NDUFS4: variants seen among roughly 807,000 people sequenced by gnomAD.
NDUFS4 encodes the protein NADH dehydrogenase [ubiquinone] iron-sulfur protein 4, mitochondrial.
A neutral mutation model predicts 24.3 loss-of-function variants in NDUFS4; 28 were observed. The ratio of observed to expected loss-of-function variants is 1.15; its 90% CI spans 0.85 to 1.58. The LOEUF is 1.58. NDUFS4 is among the 40% of genes most tolerant of loss of function. The pLI is 0.00. For missense variants in NDUFS4, 223 were observed against 207.9 expected (o/e 1.07, Z -0.45); for synonymous variants, 93 against 69.7 (o/e 1.34, Z -1.67).
chr5:53,561,472 A>AT (rs1748841541), intron 1 of NDUFS4, among the ~76,000 whole-genome samples: 1 of 150,986 alleles, frequency 6.6e-6, no homozygotes, highest in Middle Eastern at 3.2e-3. Context: ...TTGTCAGTTG[A>AT]TTGAGTTGTT....
At chr5:53,595,802 G>A (rs1750116569) in intron 1 of NDUFS4, among the ~76,000 whole-genome samples, 2 of 152,132 alleles carry the variant, frequency 1.3e-5, no homozygotes, top group South Asian at 4.1e-4. Flanking sequence ...TTTGGGGCTT[G>A]AGCTGTGTCC....
chr5:53,597,868 A>G (rs1035093467), intron 1 of NDUFS4, among the ~76,000 whole-genome samples: 6 of 152,216 alleles, frequency 3.9e-5, no homozygotes, highest in Non-Finnish European at 5.9e-5. Flanking sequence ...ATAAAGAACT[A>G]TATCTACAGT....
chr5:53,658,440 C>A, intron 3 of NDUFS4, 111 bp from the exon 4 acceptor site: 2 of 706,170 alleles, frequency 2.8e-6, no homozygotes, highest in East Asian at 2.8e-5. Context: ...TAAAATATTC[C>A]ATCAATAATG....
In NDUFS4 at chr5:53,658,652, C is replaced by T. The variant is rs752809095; in HGVS notation, c.424+28C>T. The T allele has an allele frequency of 1.9e-6, 3 of 1,566,496 alleles. No homozygotes were observed. The Admixed American group carries it at 5.0e-5, about 26-fold the overall frequency. ...ATGTTTGGTCTGTTTTTGACAAAGTCAAGATAATGATTTTATGTTCTTAAC... is the reference window on the plus strand; with the variant it reads ...ATGTTTGGTCTGTTTTTGACAAAGTTAAGATAATGATTTTATGTTCTTAAC... On this transcript the variant is annotated intron_variant, in intron 4 of 4. Coordinates refer to ENST00000296684, the MANE Select transcript of NDUFS4 (RefSeq NM_002495.4).
intron 4 of NDUFS4, among the ~76,000 whole-genome samples, chr5:53,675,078 TTTC>T (rs1292942778): frequency 6.6e-6 from 1 of 152,098 alleles, no homozygotes. Context: ...GAAGTTCCAT[TTTC>T]TTCTCTGAAA....
chr5:53,572,963 T>G (rs1197826050), intron 1 of NDUFS4, among the ~76,000 whole-genome samples: 1 of 94,312 alleles, frequency 1.1e-5, no homozygotes, highest in Admixed American at 1.1e-4. Flanking sequence ...TTTTGTTTTT[T>G]TTTTTTGTTT....
chr5:53,603,325 T>TCTTTC, intron 1 of NDUFS4, 127 bp from the exon 2 acceptor site: 1 of 727,436 alleles, frequency 1.4e-6, no homozygotes. Context: ...CTCTTCTCTT[T>TCTTTC]CTTTCCTTTC....
At chr5:53,565,328 G>A (rs1442729976) in intron 1 of NDUFS4, among the ~76,000 whole-genome samples, 1 of 152,188 alleles carries the variant, frequency 6.6e-6, no homozygotes, top group Non-Finnish European at 1.5e-5. Context: ...AACCTATGCT[G>A]ACTCTATTTT....
intron 2 of NDUFS4, among the ~76,000 whole-genome samples, chr5:53,615,598 C>T (rs894511961): frequency 6.6e-6 from 1 of 151,990 alleles, no homozygotes; most frequent in Admixed American, 6.6e-5. Flanking sequence ...TTACTGTATG[C>T]AGTATACTAT....
intron 4 of NDUFS4, among the ~76,000 whole-genome samples, chr5:53,668,228 G>T (rs981809429): frequency 3.3e-5 from 5 of 152,024 alleles, no homozygotes; most frequent in African/African-American, 1.2e-4. Context: ...AATACAATTT[G>T]TTATCAATTG....
chr5:53,631,347 A>C (rs539558473), intron 2 of NDUFS4, among the ~76,000 whole-genome samples: 8 of 152,272 alleles, frequency 5.3e-5, no homozygotes, highest in Admixed American at 3.3e-4. Flanking sequence ...TCTCCTGGTC[A>C]GGCTACACGG....
chr5:53,643,027 C>T (rs1751747930), intron 2 of NDUFS4, among the ~76,000 whole-genome samples: 1 of 152,016 alleles, frequency 6.6e-6, no homozygotes. Context: ...ATAATGGAAG[C>T]ATAGGTTTCA....
At chr5:53,644,624 T>C (rs1751804372) in intron 2 of NDUFS4, among the ~76,000 whole-genome samples, 1 of 152,060 alleles carries the variant, frequency 6.6e-6, no homozygotes, top group South Asian at 2.1e-4. Flanking sequence ...ATATTAGAAA[T>C]TACCAATTAA....
rs1323599620 is a variant in NDUFS4, at chr5:53,566,299, T to C, written c.98+5539T>C. On this transcript the variant is annotated intron_variant, in intron 1 of 4. Transcript: ENST00000296684. ...ATTTAGTCAGAATACATATTGTCTG[T>C]ACTGAATACAAACAATTTCAAATGG... 4.1e-4 allele frequency among the ~76,000 whole-genome samples: 63 copies of C among 152,224 alleles called. 2 individuals carry two copies.
chr5:53,649,162 T>A (rs1751946899), intron 3 of NDUFS4, among the ~76,000 whole-genome samples: 1 of 152,216 alleles, frequency 6.6e-6, no homozygotes, highest in African/African-American at 2.4e-5. Context: ...TTCATGGAAA[T>A]TTTGCCCTTT....
intron 4 of NDUFS4, among the ~76,000 whole-genome samples, chr5:53,659,741 A>C (rs1752273378): frequency 6.6e-6 from 1 of 152,192 alleles, no homozygotes; most frequent in African/African-American, 2.4e-5. Flanking sequence ...TACAAATGTG[A>C]AAGCACTATA....
intron 4 of NDUFS4, among the ~76,000 whole-genome samples, chr5:53,660,014 T>TA (rs920856509): frequency 9.2e-5 from 14 of 151,576 alleles, no homozygotes; most frequent in Admixed American, 4.6e-4. Context: ...ACTTTTTTTT[T>TA]ATTTAAGTTT....
intron 2 of NDUFS4, among the ~76,000 whole-genome samples, chr5:53,613,662 G>GA (rs569224230): frequency 0.021 from 2,539 of 120,888 alleles, 78 homozygotes; most frequent in African/African-American, 0.063. Flanking sequence ...ACAAGCTATT[G>GA]AAAAAAAAAA....
intron 4 of NDUFS4, among the ~76,000 whole-genome samples, chr5:53,673,353 A>G (rs1485263009): frequency 6.6e-6 from 1 of 152,130 alleles, no homozygotes; most frequent in African/African-American, 2.4e-5. Context: ...CCTCTAGGGA[A>G]TCTCAGAGAT....
Sources: gnomAD v4.1 joint callset for allele counts (sites outside exome capture counted in the v4.1 genomes callset) on GRCh38, gnomAD v4.1.1 for gene constraint, MANE v1.5 for transcripts, NCBI Gene and HGNC (gene_info 2026-07-23, HGNC 2026-07-21) for gene names.